Variants in TICRR observed in about 807,000 individuals in gnomAD.
The protein encoded by TICRR is treslin.
A neutral mutation model predicts 178.1 loss-of-function variants in TICRR; 132 were observed. That is an observed-to-expected ratio of 0.74 (90% CI 0.64 to 0.86). The LOEUF is 0.86. Among genes scored for constraint, TICRR ranks in the 40% least tolerant of loss-of-function variants. TICRR has a pLI of 0.00. For missense variants in TICRR, 2,587 were observed against 2,334.3 expected (o/e 1.11, Z -2.23); for synonymous variants, 991 against 900.7 (o/e 1.10, Z -1.79).
intron 17 of TICRR, among the ~76,000 whole-genome samples, chr15:89,618,879 A>G (rs1875781742): frequency 6.6e-6 from 1 of 152,232 alleles, no homozygotes; most frequent in Non-Finnish European, 1.5e-5. Context: ...GGATCTCTTG[A>G]GCTCTGGAGT....
At position 89,625,097 on chromosome 15, in the gene TICRR, T is replaced by C. The variant is rs1163503796; in HGVS notation, c.4787T>C (p.Leu1596Pro). The change falls in exon 20 of 22, where the codon CTG becomes CCG. Residue 1596 changes from leucine (L) to proline (P), a missense_variant. Transcript: ENST00000268138. ...CCCCTCAGCAAGGAGGAGAGCTCTCTGGGAGAAGAGAGCTTCCTCCCTGCT... is the reference window on the plus strand; with the variant it reads ...CCCCTCAGCAAGGAGGAGAGCTCTCCGGGAGAAGAGAGCTTCCTCCCTGCT... ...AEPLSKEESS[L>P]GEESFLPALS... 6.2e-7 allele frequency: 1 copy of C among 1,613,906 alleles called. No homozygotes were observed. The highest frequency in any genetic ancestry group is 1.7e-5 in the Admixed American group (1 of 60,014).
At chr15:89,614,317 ATT>A (rs1170845165) in intron 15 of TICRR, among the ~76,000 whole-genome samples, 7 of 136,192 alleles carry the variant, frequency 5.1e-5, no homozygotes, top group Admixed American at 7.3e-5. Context: ...TGACAACTGG[ATT>A]TTTTTTTTTT....
At position 89,626,005 on chromosome 15, in the gene TICRR, A is replaced by G. The variant is rs1963517426; in HGVS notation, c.5546A>G (p.Gln1849Arg). The G allele has an allele frequency of 1.2e-6, 2 of 1,612,480 alleles. No homozygotes were observed. The highest frequency in any genetic ancestry group is 8.5e-7 in the Non-Finnish European group (1 of 1,179,270). ...LSASALQALTQSPLLFQGKTP... is the reference protein window; with the variant it reads ...LSASALQALTRSPLLFQGKTP... ...GCCAGTGCCCTCCAGGCTCTGACCC[A>G]GTCTCCGCTGCTGTTCCAGGGGAAA... Residue 1849 changes from glutamine (Q) to arginine (R), a missense_variant, in exon 21 of 22, where the codon CAG becomes CGG. By Grantham distance (43) the Gln-to-Arg change is conservative. Coordinates refer to ENST00000268138, the MANE Select transcript of TICRR (RefSeq NM_152259.4).
In TICRR at chr15:89,625,035, TAAG is replaced by T. The variant is rs1239100570; in HGVS notation, c.4730_4732del (p.Lys1577del). 13 of 1,613,812 alleles carry T rather than the reference TAAG, an allele frequency of 8.1e-6. No homozygotes were observed. Among genetic ancestry groups the T allele is most frequent in the African/African-American group, 6.7e-5 (5 of 74,878 alleles). ...CTTCTGGCCTTCCCAAACTTCGAATTAAGAAGATAGACCCCAGCTCTTCATTAG... is the reference window on the plus strand; with the variant it reads ...CTTCTGGCCTTCCCAAACTTCGAATTAAGATAGACCCCAGCTCTTCATTAG... On this transcript the variant is annotated inframe_deletion, in exon 20 of 22. Transcript: ENST00000268138.
At chr15:89,606,990 CA>C (rs1963185242) in intron 14 of TICRR, among the ~76,000 whole-genome samples, 165 bp downstream of exon 14, 1 of 151,674 alleles carries the variant, frequency 6.6e-6, no homozygotes, top group Non-Finnish European at 1.5e-5. Flanking sequence ...GGAATAGTCT[CA>C]AAATATTGTA....
intron 19 of TICRR, 123 bp from the exon 20 acceptor site, chr15:89,623,500 C>T (rs536915124): frequency 1.2e-4 from 124 of 1,045,316 alleles, no homozygotes; most frequent in Non-Finnish European, 1.5e-4. Context: ...TTTGAGATTT[C>T]CATCTTTAGA....
rs549245279 is a variant in TICRR, at chr15:89,624,992, T to C, written c.4682T>C (p.Val1561Ala). The C allele has an allele frequency of 1.4e-5, 22 of 1,614,022 alleles. No homozygotes were observed. In the African/African-American group the frequency reaches 2.0e-4, roughly 15 times the overall value. Residue 1561 changes from valine to alanine, a missense_variant, in exon 20 of 22, where the codon GTT becomes GCT. Transcript: ENST00000268138. ...TCTGCCAGCCCACAGACCTATGAGG[T>C]TGAGCTGGAGATGCAAGCTTCTGGC... ...TDSASPQTYE[V>A]ELEMQASGLP...
intron 7 of TICRR, among the ~76,000 whole-genome samples, chr15:89,598,647 A>G (rs933020986): frequency 6.6e-6 from 1 of 151,890 alleles, no homozygotes; most frequent in African/African-American, 2.4e-5. Context: ...TACAGACGTG[A>G]GCCACCACGC....
intron 7 of TICRR, among the ~76,000 whole-genome samples, chr15:89,597,761 G>A (rs1963022427): frequency 1.3e-5 from 2 of 152,102 alleles, no homozygotes; most frequent in South Asian, 4.1e-4. Flanking sequence ...GAATCAGTTT[G>A]TCAATATGCA....
chr15:89,592,015 C>G (rs77150380), intron 4 of TICRR, 32 bp from the exon 5 acceptor site: 42,130 of 1,587,986 alleles, frequency 0.027, 752 homozygotes, highest in South Asian at 0.066. Context: ...CATGCTGTTT[C>G]CTCTCCTGCC....
At chr15:89,595,309 C>A in intron 6 of TICRR, 84 bp from the exon 7 acceptor site, 1 of 947,204 alleles carries the variant, frequency 1.1e-6, no homozygotes, top group Admixed American at 2.1e-5. Context: ...GATATTCTTT[C>A]ACAGTAATCT....
chr15:89,600,830 C>T (rs1963081639), intron 9 of TICRR, 145 bp downstream of exon 9: 3 of 509,816 alleles, frequency 5.9e-6, no homozygotes, highest in South Asian at 3.8e-5. Context: ...GGATTGCTTG[C>T]AGCCAGGAAT....
chr15:89,578,474 G>A (rs560101011), intron 1 of TICRR, among the ~76,000 whole-genome samples: 95 of 152,238 alleles, frequency 6.2e-4, no homozygotes, highest in African/African-American at 2.2e-3. Context: ...AAAATTTAAG[G>A]CAGCCAGTCA....
rs1318368905 is a variant in TICRR at position 89,608,899 on chromosome 15, C to T, written c.2819C>T (p.Ser940Leu). The change falls in exon 15 of 22, where the codon TCA (serine) becomes TTA (leucine). Residue 940 changes from serine (S) to leucine (L), a missense_variant. Transcript: ENST00000268138. ...KRGLPRSHSV[S>L]AVDGLEDKLD... ...GGGTTGCCTAGAAGCCATTCTGTGT[C>T]AGCTGTGGATGGTCTAGAGGATAAA... 1.2e-6 allele frequency: 2 copies of T among 1,611,248 alleles called. No homozygotes were observed. Among genetic ancestry groups the T allele is most frequent in the African/African-American group, 2.7e-5 (2 of 74,522 alleles).
Position 89,618,160 on chromosome 15 carries a change from A to T in TICRR, c.2969A>T (p.Asp990Val). 3 of 1,614,134 alleles carry T rather than the reference A, an allele frequency of 1.9e-6. No homozygotes were observed. The highest frequency in any genetic ancestry group is 2.5e-6 in the Non-Finnish European group (3 of 1,180,000). ...LHRQIKGRSS[D>V]PGPDIGVVEE... ...GCATGTGGTTCCTCGAGGTCCTCTG[A>T]TCCTGGTCCTGATATTGGTGTTGTT... The change falls in exon 17 of 22, where the codon GAT becomes GTT. Residue 990 changes from aspartate (D) to valine (V), a missense_variant. Transcript: ENST00000268138.
At chr15:89,579,924 A>C (rs191356685) in intron 1 of TICRR, 1 of 152,262 alleles carries the variant, frequency 6.6e-6, no homozygotes, top group South Asian at 2.1e-4. Context: ...AGTTTCAGCT[A>C]TTCTGTTGTA....
At chr15:89,607,864 A>T (rs1963197237) in intron 14 of TICRR, among the ~76,000 whole-genome samples, 2 of 152,120 alleles carry the variant, frequency 1.3e-5, no homozygotes, top group Non-Finnish European at 2.9e-5. Context: ...TTGACTTTTC[A>T]GCTATTTTTT....
At chr15:89,594,730 C>A (rs1003517767) in intron 6 of TICRR, among the ~76,000 whole-genome samples, 176 bp downstream of exon 6, 2 of 151,936 alleles carry the variant, frequency 1.3e-5, no homozygotes, top group East Asian at 3.9e-4. Flanking sequence ...AAAAATCAAC[C>A]AGTCTTATCT....
chr15:89,615,623 C>A (rs368986362), intron 15 of TICRR, among the ~76,000 whole-genome samples: 1 of 152,128 alleles, frequency 6.6e-6, no homozygotes, highest in Non-Finnish European at 1.5e-5. Context: ...CCTCACCATT[C>A]TTACTGGCAT....
Sources: allele counts gnomAD v4.1 joint callset (sites outside exome capture counted in the v4.1 genomes callset), GRCh38; gene constraint gnomAD v4.1.1; transcripts MANE v1.5; gene names NCBI Gene and HGNC (gene_info 2026-07-23, HGNC 2026-07-21).